The following PBRM1 variants were observed in gnomAD, a reference collection of about 807,000 sequenced individuals.
PBRM1 encodes polybromo 1.
Under a neutral mutation model 194.5 loss-of-function variants are expected in PBRM1, and 27 were observed. That is an observed-to-expected ratio of 0.14 (90% CI 0.10 to 0.19). The LOEUF is 0.19. Ranked by LOEUF, PBRM1 falls within the 10% of genes least tolerant of loss-of-function variation. PBRM1 has a pLI of 1.00. For synonymous variants in PBRM1, 655 were observed against 693.2 expected (o/e 0.94, Z 0.87); for missense variants, 1,466 against 2,077.2 (o/e 0.71, Z 5.72).
chr3:52,569,182 G>A (rs1215055100), intron 22 of PBRM1, among the ~76,000 whole-genome samples: 1 of 151,106 alleles, frequency 6.6e-6, no homozygotes, highest in Non-Finnish European at 1.5e-5. Context: ...GTGAGCCACT[G>A]CACCCGATTC....
intron 22 of PBRM1, among the ~76,000 whole-genome samples, chr3:52,575,839 C>T (rs954127294): frequency 6.6e-6 from 1 of 151,750 alleles, no homozygotes; most frequent in Non-Finnish European, 1.5e-5. Context: ...TAAATATACT[C>T]CAAGATCTAA....
chr3:52,638,420 G>A (rs185618641), intron 10 of PBRM1, among the ~76,000 whole-genome samples: 33 of 151,090 alleles, frequency 2.2e-4, no homozygotes, highest in Non-Finnish European at 4.0e-4. Flanking sequence ...GTGCGATGGC[G>A]TGATCTCAGC....
rs1003964878 is a variant in PBRM1, at chr3:52,576,114, G to A, written c.3691+427C>T. ...GTGAGGCACCATTAAATGTACCAACGTTAAGTATAATGGGAGTTCCTGAAG... is the reference window on the plus strand; with the variant it reads ...GTGAGGCACCATTAAATGTACCAACATTAAGTATAATGGGAGTTCCTGAAG... On this transcript the variant is annotated intron_variant, in intron 22 of 29. Coordinates refer to ENST00000296302, the Ensembl canonical transcript of PBRM1. 3.3e-5 allele frequency among the ~76,000 whole-genome samples: 5 copies of A among 152,030 alleles called. No individual in the cohort carries two copies. The East Asian group carries it at 5.8e-4, about 18-fold the overall frequency.
At chr3:52,634,765 T>C in exon 11 of PBRM1, 1 of 1,614,096 alleles carries the variant, frequency 6.2e-7, no homozygotes, top group Non-Finnish European at 8.5e-7. Context: ...GAAACATCCA[T>C]AAAGGAAGTG....
At chr3:52,626,675 C>G (rs757089413) in intron 13 of PBRM1, among the ~76,000 whole-genome samples, 5 of 151,998 alleles carry the variant, frequency 3.3e-5, no homozygotes, top group Non-Finnish European at 5.9e-5. Flanking sequence ...GTAAGATCCC[C>G]TTCCACAAAA....
chr3:52,619,993 T>C (rs1454715180), intron 13 of PBRM1, among the ~76,000 whole-genome samples: 1 of 152,174 alleles, frequency 6.6e-6, no homozygotes, highest in Non-Finnish European at 1.5e-5. Flanking sequence ...TGCCATTTTC[T>C]CCCCTCAGCA....
At chr3:52,635,243 C>T (rs1245486577) in intron 10 of PBRM1, among the ~76,000 whole-genome samples, 1 of 150,932 alleles carries the variant, frequency 6.6e-6, no homozygotes, top group Non-Finnish European at 1.5e-5. Flanking sequence ...TAAAAAAATT[C>T]TAAGATAAAG....
At chr3:52,579,471 C>A (rs1008754142) in intron 20 of PBRM1, among the ~76,000 whole-genome samples, 30 of 152,022 alleles carry the variant, frequency 2.0e-4, no homozygotes, top group African/African-American at 7.3e-4. Context: ...GTAGCGCATG[C>A]CTGTAGTCCC....
At chr3:52,678,356 A>T in intron 2 of PBRM1, 144 bp downstream of exon 3, 1 of 571,006 alleles carries the variant, frequency 1.8e-6, no homozygotes, top group Non-Finnish European at 3.1e-6. Context: ...CTACAGCTTG[A>T]TTACTAAAGA....
chr3:52,634,065 T>G (rs1271142325), intron 11 of PBRM1, among the ~76,000 whole-genome samples: 1 of 152,176 alleles, frequency 6.6e-6, no homozygotes, highest in Non-Finnish European at 1.5e-5. Context: ...ATAACTTAAA[T>G]ACAGATTAAC....
At chr3:52,567,181 T>C (rs972694414) in intron 22 of PBRM1, among the ~76,000 whole-genome samples, 1 of 152,212 alleles carries the variant, frequency 6.6e-6, no homozygotes, top group Non-Finnish European at 1.5e-5. Flanking sequence ...ATCTGAATTT[T>C]GTCACAAAAT....
At chr3:52,548,257 G>C in intron 29 of PBRM1, 22 bp from the exon 32 acceptor site, 1 of 1,535,442 alleles carries the variant, frequency 6.5e-7, no homozygotes. Context: ...AGTACAGAGA[G>C]ACAGAAATTA....
intron 15 of PBRM1, among the ~76,000 whole-genome samples, chr3:52,613,893 T>C (rs879838324): frequency 6.6e-6 from 1 of 152,074 alleles, no homozygotes; most frequent in African/African-American, 2.4e-5. Context: ...AAAAAGCCCC[T>C]TTTTCCTGAA....
In PBRM1 at chr3:52,658,101, T is replaced by C. The variant is rs916701860; in HGVS notation, c.645+98A>G. 17 of 689,646 alleles carry C rather than the reference T, an allele frequency of 2.5e-5. No individual in the cohort carries two copies. In the African/African-American group the frequency reaches 3.0e-4, roughly 12 times the overall value. 42.7% of individuals were successfully genotyped at this position (689,646 alleles called of 1,614,324 possible). A position where few individuals can be genotyped will look rare whatever the true frequency, so the allele number is the denominator to read the frequency against. On this transcript the variant is annotated intron_variant, in intron 5 of 29. Coordinates refer to ENST00000296302, the Ensembl canonical transcript of PBRM1. The stretch of plus-strand genomic sequence containing the variant: ...AGCCACCACACCCGGCCCAACATCT[T>C]CCTTTTGAACTTACTTTATTTATCA...
At chr3:52,573,495 C>T (rs35240333) in intron 22 of PBRM1, among the ~76,000 whole-genome samples, 14,129 of 152,056 alleles carry the variant, frequency 0.093, 883 homozygotes, top group Non-Finnish European at 0.14. Flanking sequence ...GGTTTCACCA[C>T]GTTGGCCAGG....
At chr3:52,595,009 T>A (rs2093423139) in intron 17 of PBRM1, among the ~76,000 whole-genome samples, 1 of 152,124 alleles carries the variant, frequency 6.6e-6, no homozygotes, top group Admixed American at 6.6e-5. Flanking sequence ...CCTTGGAGAA[T>A]CTAGTGATTG....
chr3:52,636,998 C>G (rs2095849034), intron 10 of PBRM1, among the ~76,000 whole-genome samples: 1 of 151,950 alleles, frequency 6.6e-6, no homozygotes, highest in Non-Finnish European at 1.5e-5. Context: ...ATTACTTGCA[C>G]AAGTTCAGCC....
chr3:52,577,538 G>C (rs34735556), intron 21 of PBRM1, among the ~76,000 whole-genome samples: 1 of 150,506 alleles, frequency 6.6e-6, no homozygotes, highest in African/African-American at 2.5e-5. Flanking sequence ...CATTATTATT[G>C]CTCCATATTA....
intron 2 of PBRM1, among the ~76,000 whole-genome samples, chr3:52,674,611 G>A (rs1331484190): frequency 7.7e-6 from 1 of 129,852 alleles, no homozygotes; most frequent in African/African-American, 3.1e-5. Context: ...GCAACACAGG[G>A]AAACCCTGTC....
Sources: gnomAD v4.1 joint callset for allele counts (sites outside exome capture counted in the v4.1 genomes callset) on GRCh38, gnomAD v4.1.1 for gene constraint, MANE v1.5 for transcripts, NCBI Gene and HGNC (gene_info 2026-07-23, HGNC 2026-07-21) for gene names.